The following PNLIP variants were observed in gnomAD, a reference collection of about 807,000 sequenced individuals.
PNLIP encodes the protein pancreatic triacylglycerol lipase.
PNLIP carries 49 observed loss-of-function variants against 57.1 expected under a neutral mutation model. The observed-to-expected ratio is 0.86, with a 90% confidence interval of 0.68 to 1.09. PNLIP has a LOEUF of 1.09. Ranked by LOEUF, PNLIP falls within the 50% of genes least tolerant of loss-of-function variation. PNLIP has a pLI of 0.00. For synonymous variants in PNLIP, 209 were observed against 200.4 expected (o/e 1.04, Z -0.36); for missense variants, 503 against 570.2 (o/e 0.88, Z 1.20).
intron 10 of PNLIP, among the ~76,000 whole-genome samples, chr10:116,559,934 TC>T (rs1334411404): frequency 1.3e-5 from 2 of 152,004 alleles, no homozygotes; most frequent in African/African-American, 2.4e-5. Flanking sequence ...ATTAATATAT[TC>T]CCAAAGGCAA....
At chr10:116,566,895 T>C (rs1376028855) in intron 12 of PNLIP, among the ~76,000 whole-genome samples, 1 of 152,196 alleles carries the variant, frequency 6.6e-6, no homozygotes, top group East Asian at 1.9e-4. Flanking sequence ...CCTGGTAGTT[T>C]ACATATGGTA....
chr10:116,556,391 A>G (rs1234161014), intron 9 of PNLIP, among the ~76,000 whole-genome samples: 1 of 152,220 alleles, frequency 6.6e-6, no homozygotes, highest in Non-Finnish European at 1.5e-5. Flanking sequence ...AACAGACAAA[A>G]AATAATTAGT....
At chr10:116,556,661 T>A (rs1437949504) in intron 9 of PNLIP, among the ~76,000 whole-genome samples, 1 of 152,172 alleles carries the variant, frequency 6.6e-6, no homozygotes, top group Non-Finnish European at 1.5e-5. Flanking sequence ...GGTAAATGTG[T>A]GCTGTAGTGG....
chr10:116,547,852 C>A (rs1332323440), intron 3 of PNLIP, among the ~76,000 whole-genome samples: 1 of 151,112 alleles, frequency 6.6e-6, no homozygotes, highest in Non-Finnish European at 1.5e-5. Flanking sequence ...TGTAGATATT[C>A]AGGGCACTGA....
chr10:116,553,720 C>T lies in PNLIP; in HGVS notation c.460-7C>T. 6.3e-7 allele frequency: 1 copy of T among 1,585,088 alleles called. No individual in the cohort carries two copies. The highest frequency in any genetic ancestry group is 2.2e-5 in the East Asian group (1 of 44,734). On this transcript the variant is annotated splice_polypyrimidine_tract_variant and splice_region_variant and intron_variant, in intron 5 of 12. Transcript: ENST00000369221. ...AAAACATTCTGAAAAGGTTTTCTTT[C>T]CGACAGTCGGCGTTCGGTTACTCAC...
At chr10:116,560,180 TCTTAA>T (rs1344569748) in intron 10 of PNLIP, among the ~76,000 whole-genome samples, 3 of 151,656 alleles carry the variant, frequency 2.0e-5, no homozygotes, top group African/African-American at 7.3e-5. Flanking sequence ...AAAAAATCTG[TCTTAA>T]CTTTGAAAAA....
chr10:116,559,271 A>G lies in PNLIP; in HGVS notation c.1048A>G (p.Ser350Gly). 6.2e-7 allele frequency: 1 copy of G among 1,612,374 alleles called. No individual in the cohort carries two copies. Among genetic ancestry groups the G allele is most frequent in the African/African-American group, 1.3e-5 (1 of 74,980 alleles). The change falls in exon 10 of 13, where the codon AGT becomes GGT. Residue 350 changes from serine to glycine, a missense_variant. Physicochemically the swap from Ser to Gly is moderately conservative, Grantham distance 56. Transcript: ENST00000369221. ...ATTTTATCTAGACACTGGTGATGCC[A>G]GTAATTTTGCACGTAAGTTTCTGTT... ...QKFYLDTGDASNFARWRYKVS... is the reference protein window; with the variant it reads ...QKFYLDTGDAGNFARWRYKVS...
chr10:116,558,670 G>A (rs1847282002), intron 9 of PNLIP, among the ~76,000 whole-genome samples: 1 of 151,560 alleles, frequency 6.6e-6, no homozygotes, highest in Non-Finnish European at 1.5e-5. Flanking sequence ...CTTGCCCAAG[G>A]CTTAAGTGCA....
At chr10:116,556,664 T>C (rs905352254) in intron 9 of PNLIP, among the ~76,000 whole-genome samples, 2 of 152,184 alleles carry the variant, frequency 1.3e-5, no homozygotes, top group African/African-American at 4.8e-5. Context: ...AAATGTGTGC[T>C]GTAGTGGCTT....
chr10:116,563,908 C>G (rs1847339155), intron 12 of PNLIP, among the ~76,000 whole-genome samples: 2 of 151,986 alleles, frequency 1.3e-5, no homozygotes, highest in Non-Finnish European at 2.9e-5. Context: ...AAAAGAACAT[C>G]AGTGATCTGT....
intron 12 of PNLIP, among the ~76,000 whole-genome samples, chr10:116,566,367 A>C (rs1847367883): frequency 6.6e-6 from 1 of 152,192 alleles, no homozygotes; most frequent in Non-Finnish European, 1.5e-5. Flanking sequence ...ACTACTCTAT[A>C]GTGACAGCAG....
chr10:116,551,086 C>A lies in PNLIP; in HGVS notation c.325-12C>A. 1 of 1,559,714 alleles carries A rather than the reference C, an allele frequency of 6.4e-7. No individual in the cohort carries two copies. Among genetic ancestry groups the A allele is most frequent in the South Asian group, 1.2e-5 (1 of 82,090 alleles). On this transcript the variant is annotated splice_polypyrimidine_tract_variant and intron_variant, in intron 4 of 12. Coordinates refer to ENST00000369221, the MANE Select transcript of PNLIP (RefSeq NM_000936.4). ...TGAATTATTTATCTGTTTATTGTGCCCCTTCCACCAGAATCTGTTCAAGGT... is the reference window on the plus strand; with the variant it reads ...TGAATTATTTATCTGTTTATTGTGCACCTTCCACCAGAATCTGTTCAAGGT...
At chr10:116,548,288 C>T (rs1847152383) in intron 3 of PNLIP, 72 bp from the exon 4 acceptor site, 1 of 1,465,798 alleles carries the variant, frequency 6.8e-7, no homozygotes, top group Non-Finnish European at 9.4e-7. Context: ...TACTTACTGC[C>T]CCTCTCCATG....
chr10:116,549,535 T>C (rs1416427284), intron 4 of PNLIP, among the ~76,000 whole-genome samples: 4 of 152,056 alleles, frequency 2.6e-5, no homozygotes, highest in Admixed American at 2.0e-4. Context: ...GTTTCAGGTC[T>C]GCCTCTGGCT....
At chr10:116,553,686 C>A in intron 5 of PNLIP, 41 bp from the exon 6 acceptor site, 2 of 1,212,218 alleles carry the variant, frequency 1.6e-6, no homozygotes, top group Non-Finnish European at 2.4e-6. Flanking sequence ...CAACTCATGA[C>A]TGCACTTGAA....
Position 116,555,235 on chromosome 10 carries a change from C to T in PNLIP, c.629C>T (p.Pro210Leu). The T allele has an allele frequency of 6.2e-7, 1 of 1,614,154 alleles. No homozygotes were observed. The highest frequency in any genetic ancestry group is 8.5e-7 in the Non-Finnish European group (1 of 1,180,028). ...ACACCTGAATTAGTCCGATTGGACCCCAGCGATGCCAAATTTGTGGATGTA... is the reference window on the plus strand; with the variant it reads ...ACACCTGAATTAGTCCGATTGGACCTCAGCGATGCCAAATTTGTGGATGTA... ...QGTPELVRLD[P>L]SDAKFVDVIH... The change falls in exon 7 of 13, where the codon CCC becomes CTC. Residue 210 changes from proline (P) to leucine (L), a missense_variant. Transcript: ENST00000369221.
intron 12 of PNLIP, among the ~76,000 whole-genome samples, chr10:116,565,796 T>A (rs1847360351): frequency 6.6e-6 from 1 of 151,356 alleles, no homozygotes; most frequent in African/African-American, 2.4e-5. Flanking sequence ...TACAAAAGAT[T>A]TGTACATGAA....
chr10:116,556,139 G>A (rs199594305), intron 9 of PNLIP, 21 bp downstream of exon 9: 88 of 1,391,464 alleles, frequency 6.3e-5, no homozygotes, highest in Middle Eastern at 1.8e-4. Context: ...TCCACCTTCC[G>A]CATAAAGAAT....
rs1225071651 is a variant in PNLIP at position 116,558,025 on chromosome 10, C to T, written c.931-1129C>T. 2.7e-5 allele frequency among the ~76,000 whole-genome samples: 4 copies of T among 150,768 alleles called. No individual in the cohort carries two copies. In the East Asian group the frequency reaches 8.0e-4, roughly 30 times the overall value. On this transcript the variant is annotated intron_variant, in intron 9 of 12. Coordinates refer to ENST00000369221, the MANE Select transcript of PNLIP (RefSeq NM_000936.4). Reference sequence around the variant, plus strand: ...ATCCCAGCACTTTGGGAGGCCGAGGCAGGTGGATCAGGAAGTCAAGATCGA... The same window carrying T: ...ATCCCAGCACTTTGGGAGGCCGAGGTAGGTGGATCAGGAAGTCAAGATCGA...
Sources: gnomAD v4.1 joint callset for allele counts (sites outside exome capture counted in the v4.1 genomes callset) on GRCh38, gnomAD v4.1.1 for gene constraint, MANE v1.5 for transcripts, NCBI Gene and HGNC (gene_info 2026-07-23, HGNC 2026-07-21) for gene names.